EZR: variants seen among roughly 807,000 people sequenced by gnomAD.
EZR encodes ezrin.
A neutral mutation model predicts 74.8 loss-of-function variants in EZR; 40 were observed. The observed-to-expected ratio is 0.53, with a 90% CI of 0.42 to 0.70. EZR has a LOEUF of 0.70. Ranked by LOEUF, EZR falls within the 30% of genes least tolerant of loss-of-function variation. The pLI, the probability that EZR is intolerant of heterozygous loss-of-function variation, is 0.00. For missense variants in EZR, 678 were observed against 755.8 expected, an observed-to-expected ratio of 0.90 and a Z score of 1.21; for synonymous variants, 341 against 283.3, an observed-to-expected ratio of 1.20 and a Z score of -2.05.
Position 158,785,327 on chromosome 6 carries a change from T to C in EZR, c.449A>G (p.Glu150Gly). The change falls in exon 5 of 14, where the codon GAG (glutamate) becomes GGG (glycine). Residue 150 changes from glutamate to glycine, a missense_variant. Transcript: ENST00000367075. ...TGCTCACCTTTGAGGGATCAGCCGC[T>C]CAGAGCTGAGGTACCCAGACTTGTG... The part of the protein sequence containing the change: ...EVHKSGYLSS[E>G]RLIPQRVMDQ... The C allele has an allele frequency of 6.2e-7, 1 of 1,614,088 alleles. No individual in the cohort carries two copies. The highest frequency in any genetic ancestry group is 8.5e-7 in the Non-Finnish European group (1 of 1,180,026).
At position 158,771,222 on chromosome 6, in the gene EZR, C is replaced by T. The variant is rs193110126; in HGVS notation, c.959+22G>A. ...GAGTTGGGAGAACACAGGCCCCCCC[C>T]ACTCTGGCCTCACGCGCTCACCGCT... On this transcript the variant is annotated intron_variant, in intron 9 of 13. Transcript: ENST00000367075. 9.4e-5 allele frequency: 149 copies of T among 1,590,288 alleles called. No individual in the cohort carries two copies. The African/African-American group carries it at 1.1e-3, about 12-fold the overall frequency.
intron 7 of EZR, 133 bp from the exon 8 acceptor site, chr6:158,776,637 T>C: frequency 1.5e-6 from 1 of 653,466 alleles, no homozygotes; most frequent in Middle Eastern, 4.1e-4. Flanking sequence ...CACAATGTGT[T>C]ATATGCTATT....
intron 7 of EZR, among the ~76,000 whole-genome samples, chr6:158,779,052 G>A (rs1432440008): frequency 6.6e-6 from 1 of 152,208 alleles, no homozygotes; most frequent in Non-Finnish European, 1.5e-5. Context: ...GGGAAGGATA[G>A]TGATTTTACA....
At chr6:158,818,405 G>A (rs1777612535) in intron 1 of EZR, among the ~76,000 whole-genome samples, 2 of 151,266 alleles carry the variant, frequency 1.3e-5, no homozygotes, top group Non-Finnish European at 3.0e-5. Flanking sequence ...GGGGCAGCCG[G>A]CGGGCACTGG....
At chr6:158,785,610 C>T (rs1436816918) in intron 4 of EZR, 27 bp from the exon 5 acceptor site, 2 of 1,607,192 alleles carry the variant, frequency 1.2e-6, no homozygotes, top group Non-Finnish European at 1.7e-6. Context: ...ACACTCTCCA[C>T]ACAAATCCGG....
At chr6:158,776,645 AT>A in intron 7 of EZR, 141 bp from the exon 8 acceptor site, 1 of 637,080 alleles carries the variant, frequency 1.6e-6, no homozygotes, top group Non-Finnish European at 2.7e-6. Context: ...GTTATATGCT[AT>A]TATCAAATAG....
intron 8 of EZR, among the ~76,000 whole-genome samples, chr6:158,772,372 G>A (rs1791138846): frequency 1.3e-5 from 2 of 152,226 alleles, no homozygotes; most frequent in South Asian, 2.1e-4. Flanking sequence ...CAGGGATGCC[G>A]GTATCTCAAG....
intron 2 of EZR, among the ~76,000 whole-genome samples, chr6:158,792,035 C>CT (rs1791762841): frequency 6.6e-6 from 1 of 151,804 alleles, no homozygotes; most frequent in Admixed American, 6.6e-5. Context: ...ACCTGAGTCT[C>CT]TTCTAAGTTT....
intron 3 of EZR, among the ~76,000 whole-genome samples, chr6:158,788,668 C>T (rs1034232582): frequency 2.0e-5 from 3 of 150,188 alleles, no homozygotes; most frequent in African/African-American, 4.9e-5. Context: ...AAAAAAACAA[C>T]GCTGTATTTG....
intron 2 of EZR, among the ~76,000 whole-genome samples, chr6:158,806,374 G>C (rs1777339085): frequency 6.6e-6 from 1 of 151,948 alleles, no homozygotes; most frequent in African/African-American, 2.4e-5. Flanking sequence ...TTCTATTATG[G>C]AAAGTTGAAA....
intron 12 of EZR, among the ~76,000 whole-genome samples, chr6:158,768,963 C>CA (rs966499518): frequency 1.3e-5 from 2 of 152,178 alleles, no homozygotes; most frequent in African/African-American, 4.8e-5. Flanking sequence ...GACCCCATTG[C>CA]AAGGGGCACA....
At chr6:158,796,755 CCA>C (rs1309067676) in intron 2 of EZR, among the ~76,000 whole-genome samples, 20 of 152,336 alleles carry the variant, frequency 1.3e-4, no homozygotes, top group Non-Finnish European at 2.8e-4. Flanking sequence ...CATGTTGATG[CCA>C]ACAGTGGCAG....
rs772416431 is a variant in EZR, at chr6:158,769,362, C to T, written c.1308G>A (p.Arg436=). The part of the protein sequence containing the change: ...AKIALLEEAR[R]RKEDEVEEWQ... ...ACTCTTCAACTTCATCCTCCTTGCG[C>T]CTCCGCGCCTCTTCCAGGAGGGCAA... The change falls in exon 12 of 14, where the codon AGG becomes AGA. Residue 436 remains arginine, a synonymous_variant. Transcript: ENST00000367075. 1.2e-6 allele frequency: 2 copies of T among 1,609,664 alleles called. No homozygotes were observed. The highest frequency in any genetic ancestry group is 1.7e-6 in the Non-Finnish European group (2 of 1,180,020).
chr6:158,802,618 A>T (rs1401290651), intron 2 of EZR, among the ~76,000 whole-genome samples: 1 of 151,734 alleles, frequency 6.6e-6, no homozygotes, highest in Non-Finnish European at 1.5e-5. Flanking sequence ...TGCAACCTCC[A>T]CCTCCCGGGT....
intron 8 of EZR, among the ~76,000 whole-genome samples, chr6:158,776,128 CT>C (rs1365691206): frequency 6.6e-6 from 1 of 152,234 alleles, no homozygotes; most frequent in African/African-American, 2.4e-5. Flanking sequence ...AGGGGACAGG[CT>C]GGCTCTCCAC....
Position 158,805,565 on chromosome 6 carries a change from G to C in EZR, c.12+12517C>G, listed in dbSNP as rs112520861. Among the ~76,000 whole-genome samples, 712 of 152,144 alleles carry C rather than the reference G, an allele frequency of 4.7e-3. 4 individuals carry two copies. Among genetic ancestry groups the C allele is most frequent in the African/African-American group, 0.016 (673 of 41,476 alleles). ...TCACCCCAGTCTTTACTTTTGCCATGTGTCAAAAATTAGCAAGACCAAAGT... is the reference window on the plus strand; with the variant it reads ...TCACCCCAGTCTTTACTTTTGCCATCTGTCAAAAATTAGCAAGACCAAAGT... On this transcript the variant is annotated intron_variant, in intron 2 of 13. Transcript: ENST00000367075.
intron 4 of EZR, among the ~76,000 whole-genome samples, chr6:158,785,964 A>G: frequency 6.6e-6 from 1 of 152,026 alleles, no homozygotes; most frequent in Non-Finnish European, 1.5e-5. Flanking sequence ...AGCAGGAGGA[A>G]CCCTGGAGCT....
chr6:158,796,894 G>C (rs547498333), intron 2 of EZR, among the ~76,000 whole-genome samples: 1 of 152,314 alleles, frequency 6.6e-6, no homozygotes, highest in African/African-American at 2.4e-5. Context: ...AGTCTTCCCA[G>C]TTTAATTTTA....
In EZR at chr6:158,770,679, TGGTGAGTG is replaced by T. The variant is rs1023107637; in HGVS notation, c.1090+77_1090+84del. 6 of 1,518,878 alleles carry T rather than the reference TGGTGAGTG, an allele frequency of 4.0e-6. No homozygotes were observed. The African/African-American group carries it at 8.3e-5, about 21-fold the overall frequency. 94.1% of individuals were successfully genotyped at this position (1,518,878 alleles called of 1,614,324 possible). On this transcript the variant is annotated intron_variant, in intron 10 of 13. Transcript: ENST00000367075. The stretch of plus-strand genomic sequence containing the variant: ...TGGGACACGTTCTTGGTTTCCTTCC[TGGTGAGTG>T]GGTGGGTGGGTGTGGCCCCTGCTAC...
Sources: allele counts gnomAD v4.1 joint callset (sites outside exome capture counted in the v4.1 genomes callset), GRCh38; gene constraint gnomAD v4.1.1; transcripts MANE v1.5; gene names NCBI Gene and HGNC (gene_info 2026-07-23, HGNC 2026-07-21).